SEMA4B: variants seen among roughly 807,000 people sequenced by gnomAD.
The protein encoded by SEMA4B is semaphorin-4B.
In SEMA4B, 55 loss-of-function variants were observed where a neutral mutation model predicts 88.1. That is an observed-to-expected ratio of 0.62 (90% CI 0.50 to 0.78). The LOEUF is 0.78. SEMA4B is among the 30% of genes least tolerant of loss of function. The pLI is 0.00. For synonymous variants in SEMA4B, 525 were observed against 473.6 expected (o/e 1.11, Z -1.41); for missense variants, 1,062 against 1,111.9 (o/e 0.96, Z 0.64).
chr15:90,186,897 C>T (rs1567040069), intron 1 of SEMA4B, among the ~76,000 whole-genome samples: 4 of 152,038 alleles, frequency 2.6e-5, no homozygotes. Flanking sequence ...TGCACCACTG[C>T]ACTCCAGCCT....
chr15:90,198,212 T>A (rs1482236183), upstream of SEMA4B, among the ~76,000 whole-genome samples: 1 of 152,110 alleles, frequency 6.6e-6, no homozygotes, highest in Non-Finnish European at 1.5e-5. Flanking sequence ...CCACCGCGCC[T>A]GGCTGGTAAA....
chr15:90,221,029 C>T lies in SEMA4B; in HGVS notation c.531C>T (p.Leu177=), dbSNP rs1477752872. The T allele has an allele frequency of 6.2e-7, 1 of 1,611,384 alleles. No homozygotes were observed. The highest frequency in any genetic ancestry group is 2.2e-5 in the East Asian group (1 of 44,784). ...CAAGGGACGAGAAGGGGAATGTCCT[C>T]CTGGAAGATGGCAAGGGCCGTTGTC... ...TLARDEKGNV[L]LEDGKGRCPF... Residue 177 remains leucine, a synonymous_variant, in exon 5 of 14, where the codon CTC becomes CTT. Transcript: ENST00000411539.
chr15:90,203,110 G>A (rs1308915169), intron 1 of SEMA4B, among the ~76,000 whole-genome samples: 2 of 152,242 alleles, frequency 1.3e-5, no homozygotes, highest in Non-Finnish European at 2.9e-5. Context: ...TGTTTGAAAA[G>A]TCGTTAGGAC....
At chr15:90,213,941 C>T (rs1389011661) in intron 1 of SEMA4B, among the ~76,000 whole-genome samples, 2 of 152,250 alleles carry the variant, frequency 1.3e-5, no homozygotes, top group African/African-American at 2.4e-5. Context: ...GACAGAAGGG[C>T]CTACTTGAGG....
intron 3 of SEMA4B, 175 bp downstream of exon 3, chr15:90,218,004 C>T (rs551565136): frequency 4.0e-5 from 23 of 577,568 alleles, no homozygotes; most frequent in East Asian, 1.8e-4. Flanking sequence ...TACATCGCTA[C>T]GACCTTCGAC....
At chr15:90,214,633 CA>C (rs766089827) in intron 1 of SEMA4B, among the ~76,000 whole-genome samples, 14,742 of 93,906 alleles carry the variant, frequency 0.16, 579 homozygotes, top group Middle Eastern at 0.25. Context: ...AACACCATCT[CA>C]AAAAAAAAAA....
At chr15:90,184,999 C>T in exon 1 of SEMA4B, 1 of 985,794 alleles carries the variant, frequency 1.0e-6, no homozygotes, top group Non-Finnish European at 1.2e-6. Context: ...GCCGGCCTGG[C>T]AAGGGGGACG....
Position 90,212,971 on chromosome 15 carries a change from G to A in SEMA4B, c.158-4468G>A, listed in dbSNP as rs1961347795. On this transcript the variant is annotated intron_variant, in intron 1 of 13. Coordinates refer to ENST00000411539, the MANE Select transcript of SEMA4B (RefSeq NM_198925.4). The surrounding 1 kb of genome is among the most constrained non-coding windows in gnomAD (Gnocchi z 4.0). ...CCCTGCCCTTCTGCCAGCTCTCACC[G>A]GGCCGGATTTTCCTGCGGGGCTTTT... Among the ~76,000 whole-genome samples, 2 of 152,170 alleles carry A rather than the reference G, an allele frequency of 1.3e-5. No homozygotes were observed. Among genetic ancestry groups the A allele is most frequent in the African/African-American group, 4.8e-5 (2 of 41,438 alleles).
intron 1 of SEMA4B, among the ~76,000 whole-genome samples, chr15:90,194,656 C>T (rs1192307282): frequency 1.3e-5 from 2 of 152,194 alleles, no homozygotes; most frequent in Non-Finnish European, 2.9e-5. Flanking sequence ...TATTTTCAGG[C>T]TCCCAAAGTG....
chr15:90,194,764 T>C (rs970059788), intron 1 of SEMA4B, among the ~76,000 whole-genome samples: 1 of 152,196 alleles, frequency 6.6e-6, no homozygotes, highest in East Asian at 1.9e-4. Flanking sequence ...AAACACCCAA[T>C]AACTCTTCAC....
In SEMA4B at chr15:90,228,602, C is replaced by T. The variant is rs373043698; in HGVS notation, c.2473C>T (p.Arg825Trp). 39 of 1,613,418 alleles carry T rather than the reference C, an allele frequency of 2.4e-5. No individual in the cohort carries two copies. Among genetic ancestry groups the T allele is most frequent in the South Asian group, 4.4e-5 (4 of 91,088 alleles). ...GGTATCCCCAGTGTGCCCCCGGCCC[C>T]GGGTCCGCCTTGGCTCGGAGATCCG... is the stretch of plus-strand genomic sequence containing the variant. ...VEVSPVCPRPRVRLGSEIRDS... is the reference protein window; with the variant it reads ...VEVSPVCPRPWVRLGSEIRDS... Residue 825 changes from arginine (R) to tryptophan (W), a missense_variant, in exon 14 of 14, where the codon CGG becomes TGG. Physicochemically the swap from Arg to Trp is moderately radical, Grantham distance 101. Coordinates refer to ENST00000411539, the MANE Select transcript of SEMA4B (RefSeq NM_198925.4).
intron 13 of SEMA4B, 111 bp downstream of exon 13, chr15:90,227,753 C>T: frequency 6.9e-7 from 1 of 1,455,520 alleles, no homozygotes; most frequent in Non-Finnish European, 9.4e-7. Flanking sequence ...TGCCCCCTAC[C>T]CCTGTAAGCA....
chr15:90,223,513 T>C (rs750932565), intron 7 of SEMA4B, 46 bp from the exon 8 acceptor site: 1 of 1,499,172 alleles, frequency 6.7e-7, no homozygotes, highest in African/African-American at 1.4e-5. Context: ...ATCCCCGTCA[T>C]GGCTCAGCAT....
intron 1 of SEMA4B, among the ~76,000 whole-genome samples, chr15:90,209,486 G>C (rs1023628417): frequency 6.6e-6 from 1 of 151,978 alleles, no homozygotes; most frequent in South Asian, 2.1e-4. Context: ...CGGAAGAATC[G>C]CTTGAACCCA....
intron 1 of SEMA4B, among the ~76,000 whole-genome samples, chr15:90,188,609 C>A (rs891074089): frequency 6.6e-6 from 1 of 152,022 alleles, no homozygotes; most frequent in African/African-American, 2.4e-5. Flanking sequence ...GCCTGGACGA[C>A]AGAACAAGAC....
intron 13 of SEMA4B, 100 bp from the exon 14 acceptor site, chr15:90,227,804 C>T: frequency 3.2e-6 from 5 of 1,553,248 alleles, no homozygotes; most frequent in South Asian, 1.2e-5. Context: ...CCCGGAGTTG[C>T]CCATCGTGGC....
At chr15:90,186,426 C>T (rs1310311666) in intron 1 of SEMA4B, among the ~76,000 whole-genome samples, 2 of 147,756 alleles carry the variant, frequency 1.4e-5, no homozygotes, top group Admixed American at 1.4e-4. Flanking sequence ...TTGAAACCAG[C>T]CTGGTCAATG....
intron 7 of SEMA4B, 67 bp from the exon 8 acceptor site, chr15:90,223,492 C>T: frequency 1.4e-6 from 2 of 1,433,860 alleles, no homozygotes; most frequent in South Asian, 2.9e-5. Context: ...TGAGGCAGTC[C>T]TGTGCCGTGC....
upstream of SEMA4B, chr15:90,201,190 A>C: frequency 1.2e-5 from 5 of 411,468 alleles, no homozygotes; most frequent in Non-Finnish European, 1.6e-5. Flanking sequence ...CGCCGGGGCT[A>C]CTGATCCCGG....
Sources: allele counts gnomAD v4.1 joint callset (sites outside exome capture counted in the v4.1 genomes callset), GRCh38; gene constraint gnomAD v4.1.1; non-coding constraint Gnocchi (gnomAD v3.1); transcripts MANE v1.5; gene names NCBI Gene and HGNC (gene_info 2026-07-23, HGNC 2026-07-21).